Variants in PDE4D observed in about 807,000 individuals in gnomAD.
The protein encoded by PDE4D is 3',5'-cyclic-AMP phosphodiesterase 4D.
PDE4D carries 24 observed loss-of-function variants against 87.4 expected under a neutral mutation model. That is an observed-to-expected ratio of 0.27 (90% CI 0.20 to 0.39). The LOEUF (loss-of-function observed/expected upper bound fraction) is 0.39. Among genes scored for constraint, PDE4D ranks in the 10% least tolerant of loss-of-function variants. The pLI is 1.00. For missense variants in PDE4D, 714 were observed against 1,041.0 expected (o/e 0.69, Z 4.32); for synonymous variants, 384 against 383.2 (o/e 1.00, Z -0.02).
At chr5:60,315,724 T>G (rs1238621496) in intron 1 of PDE4D, among the ~76,000 whole-genome samples, 1 of 152,108 alleles carries the variant, frequency 6.6e-6, no homozygotes, top group Non-Finnish European at 1.5e-5. Context: ...GTTTTCCCAG[T>G]GCCATTTATT....
intron 1 of PDE4D, among the ~76,000 whole-genome samples, chr5:59,499,853 A>T (rs1331182402): frequency 6.6e-6 from 1 of 150,752 alleles, no homozygotes; most frequent in Non-Finnish European, 1.5e-5. Flanking sequence ...TACAAATAAG[A>T]GCTGATACAG....
chr5:59,591,144 C>CA (rs1037061348), intron 1 of PDE4D, among the ~76,000 whole-genome samples: 3 of 151,840 alleles, frequency 2.0e-5, no homozygotes, highest in African/African-American at 7.3e-5. Context: ...ATAATACATA[C>CA]AAAAAAAGTC....
intron 1 of PDE4D, among the ~76,000 whole-genome samples, chr5:59,693,150 A>G (rs1751240900): frequency 6.6e-6 from 1 of 152,030 alleles, no homozygotes; most frequent in Admixed American, 6.6e-5. Context: ...TATGTTTTCA[A>G]GTTTTGAATA....
intron 1 of PDE4D, among the ~76,000 whole-genome samples, chr5:60,335,478 A>C (rs1265541722): frequency 6.6e-6 from 1 of 152,200 alleles, no homozygotes; most frequent in Non-Finnish European, 1.5e-5. Flanking sequence ...GTCCTTGAGA[A>C]AGACACTCTT....
At chr5:60,413,187 T>C (rs912570258) in intron 1 of PDE4D, among the ~76,000 whole-genome samples, 9 of 152,244 alleles carry the variant, frequency 5.9e-5, no homozygotes, top group African/African-American at 2.2e-4. Context: ...ATTATATTCC[T>C]ACTGACTACT....
chr5:59,460,207 T>C (rs1242075259), intron 1 of PDE4D, among the ~76,000 whole-genome samples: 1 of 151,986 alleles, frequency 6.6e-6, no homozygotes, highest in African/African-American at 2.4e-5. Context: ...GAAAGAAATA[T>C]TACAAAATGA....
chr5:59,596,174 G>C (rs920763316), intron 1 of PDE4D, among the ~76,000 whole-genome samples: 2 of 151,174 alleles, frequency 1.3e-5, no homozygotes, highest in African/African-American at 4.9e-5. Flanking sequence ...AGTTAACAGA[G>C]TTAGGTATAA....
At chr5:59,911,561 C>A (rs1370685321) in intron 3 of PDE4D, among the ~76,000 whole-genome samples, 1 of 152,140 alleles carries the variant, frequency 6.6e-6, no homozygotes, top group Non-Finnish European at 1.5e-5. Context: ...GCAGGCTCTG[C>A]GTGAATTAAA....
At chr5:59,388,679 AAAG>A (rs372369041) in intron 1 of PDE4D, among the ~76,000 whole-genome samples, 45 of 143,352 alleles carry the variant, frequency 3.1e-4, no homozygotes, top group African/African-American at 1.1e-3. Context: ...CAGCCCTGAA[AAAG>A]AAGGAAATCC....
intron 1 of PDE4D, among the ~76,000 whole-genome samples, chr5:59,503,973 C>A (rs1808784262): frequency 2.0e-5 from 3 of 152,098 alleles, no homozygotes; most frequent in Admixed American, 1.3e-4. Flanking sequence ...AAGACAAGAA[C>A]AAAATGTCAT....
chr5:60,016,755 T>G (rs1363661343), intron 2 of PDE4D, among the ~76,000 whole-genome samples: 1 of 152,178 alleles, frequency 6.6e-6, no homozygotes, highest in Non-Finnish European at 1.5e-5. Flanking sequence ...TTCAGCCACT[T>G]CTGCAGTTAC....
At chr5:60,356,816 GGGGCCCCAT>G (rs1213009403) in intron 1 of PDE4D, among the ~76,000 whole-genome samples, 3 of 152,212 alleles carry the variant, frequency 2.0e-5, no homozygotes, top group East Asian at 3.9e-4. Flanking sequence ...TATATCACCA[GGGGCCCCAT>G]GGCTTGGAAG....
intron 1 of PDE4D, among the ~76,000 whole-genome samples, chr5:60,308,702 G>A (rs73759039): frequency 0.022 from 3,396 of 152,166 alleles, 125 homozygotes; most frequent in African/African-American, 0.077. Context: ...CAGTATTATG[G>A]GAAAAGCCAA....
At chr5:60,240,087 C>T (rs550140533) in intron 1 of PDE4D, among the ~76,000 whole-genome samples, 1 of 152,092 alleles carries the variant, frequency 6.6e-6, no homozygotes, top group African/African-American at 2.4e-5. Flanking sequence ...ATTTATTAGT[C>T]TTTTCAGGGC....
chr5:59,022,848 A>G (rs2153377390), intron 6 of PDE4D, among the ~76,000 whole-genome samples: 1 of 152,346 alleles, frequency 6.6e-6, no homozygotes, highest in East Asian at 1.9e-4. Flanking sequence ...CTCACTAAAT[A>G]CATTTTTAAA....
intron 2 of PDE4D, among the ~76,000 whole-genome samples, chr5:59,199,921 C>T (rs111456950): frequency 7.9e-5 from 12 of 151,544 alleles, no homozygotes; most frequent in African/African-American, 2.9e-4. Flanking sequence ...TGTATATATA[C>T]ACACAGGCAC....
chr5:59,940,364 C>T lies in PDE4D; in HGVS notation c.272+48124G>A, dbSNP rs143925496. Among the ~76,000 whole-genome samples the T allele has an allele frequency of 6.2e-3, 941 of 152,074 alleles. 8 individuals are homozygous for T. Among genetic ancestry groups the T allele is most frequent in the African/African-American group, 0.021 (878 of 41,494 alleles). On this transcript the variant is annotated intron_variant, in intron 3 of 16. Transcript: ENST00000502484. ...ATTGGATACCAGTTAGGAGGGTGCT[C>T]CTAATTTGGGCACCAGATAGGAGAC... is the stretch of plus-strand genomic sequence containing the variant.
intron 1 of PDE4D, among the ~76,000 whole-genome samples, chr5:59,355,841 G>A (rs1048288847): frequency 1.3e-5 from 2 of 151,970 alleles, no homozygotes; most frequent in African/African-American, 4.8e-5. Flanking sequence ...TTCAAACTTT[G>A]AATGTTTTAT....
intron 1 of PDE4D, among the ~76,000 whole-genome samples, chr5:59,827,590 C>T (rs1770476792): frequency 6.6e-6 from 1 of 152,048 alleles, no homozygotes. Context: ...AAGGAGGATG[C>T]TAATTTAGAA....
Sources: allele counts gnomAD v4.1 joint callset (sites outside exome capture counted in the v4.1 genomes callset), GRCh38; gene constraint gnomAD v4.1.1; transcripts MANE v1.5; gene names NCBI Gene and HGNC (gene_info 2026-07-23, HGNC 2026-07-21).